MAP3K13: variants seen among roughly 807,000 people sequenced by gnomAD.
MAP3K13 encodes the protein leucine zipper-bearing kinase.
A neutral mutation model predicts 104.0 loss-of-function variants in MAP3K13; 52 were observed. The observed-to-expected ratio is 0.50, with a 90% CI of 0.40 to 0.63. The LOEUF (loss-of-function observed/expected upper bound fraction) is 0.63, where lower values mean the gene tolerates loss of function less well. Ranked by LOEUF, MAP3K13 falls within the 20% of genes least tolerant of loss-of-function variation. The pLI is 0.00. For missense variants in MAP3K13, 914 were observed against 1,218.5 expected (o/e 0.75, Z 3.72); for synonymous variants, 394 against 442.2 (o/e 0.89, Z 1.37).
chr3:185,302,248 C>CA (rs201314340), intron 2 of MAP3K13, among the ~76,000 whole-genome samples: 2,487 of 118,932 alleles, frequency 0.021, 47 homozygotes, highest in African/African-American at 0.06. Context: ...ACTAAAAATA[C>CA]AAAAAAAAAA....
chr3:185,471,189 T>C (rs1717753708), intron 10 of MAP3K13, among the ~76,000 whole-genome samples: 1 of 152,210 alleles, frequency 6.6e-6, no homozygotes, highest in Non-Finnish European at 1.5e-5. Flanking sequence ...GCTAATGTTT[T>C]GGCTAACTTT....
At chr3:185,318,342 C>A (rs1458351394) in intron 2 of MAP3K13, among the ~76,000 whole-genome samples, 5 of 152,152 alleles carry the variant, frequency 3.3e-5, no homozygotes, top group Admixed American at 2.6e-4. Context: ...TATAAACCTG[C>A]CTGACAGACA....
intron 2 of MAP3K13, among the ~76,000 whole-genome samples, chr3:185,330,084 G>T (rs1372086013): frequency 2.5e-5 from 2 of 80,842 alleles, no homozygotes; most frequent in African/African-American, 5.1e-5. Context: ...TTTTTTTTTA[G>T]TAGAGATGGG....
rs183916935 is a variant in MAP3K13 at position 185,377,701 on chromosome 3, G to A, written c.-86+14333G>A. ...AGGTAATGTGGAGTAGGTAGCCTCC[G>A]TATTGATTAAGAAGGGGATGGACTT... On this transcript the variant is annotated intron_variant, in intron 1 of 13. Coordinates refer to ENST00000265026, the MANE Select transcript of MAP3K13 (RefSeq NM_004721.5). 1.4e-4 allele frequency among the ~76,000 whole-genome samples: 22 copies of A among 152,320 alleles called. No individual in the cohort carries two copies. In the Middle Eastern group the frequency reaches 0.01, roughly 71 times the overall value.
Position 185,473,156 on chromosome 3 carries a change from C to T in MAP3K13, c.1825C>T (p.Gln609Ter). 1 of 1,614,168 alleles carries T rather than the reference C, an allele frequency of 6.2e-7. No homozygotes were observed. Among genetic ancestry groups the T allele is most frequent in the Non-Finnish European group, 8.5e-7 (1 of 1,180,048 alleles). Residue 609 changes from glutamine (Q) to a stop codon, truncating the protein, a stop_gained, in exon 11 of 14, where the codon CAG (glutamine) becomes TAG (stop). Transcript: ENST00000265026. LOFTEE classifies it high-confidence loss of function. This position sits in a 1 kb window ranked among gnomAD's most constrained non-coding sequence, Gnocchi z 4.9. ...TGACTTTGCCGCAATCTTGAAAAACCAGCCAGCCCAGGAAAATTCACCCCA... is the reference window on the plus strand; with the variant it reads ...TGACTTTGCCGCAATCTTGAAAAACTAGCCAGCCCAGGAAAATTCACCCCA... ...HSDFAAILKN[Q>*]PAQENSPHPT...
At chr3:185,345,240 TAC>T (rs756514087) in intron 2 of MAP3K13, among the ~76,000 whole-genome samples, 7 of 137,310 alleles carry the variant, frequency 5.1e-5, no homozygotes, top group East Asian at 2.1e-4. Flanking sequence ...CACACACACA[TAC>T]ACACACACAC....
At chr3:185,403,353 T>G (rs768387836) in intron 1 of MAP3K13, among the ~76,000 whole-genome samples, 1 of 152,236 alleles carries the variant, frequency 6.6e-6, no homozygotes, top group Non-Finnish European at 1.5e-5. Context: ...CACTAACATT[T>G]ATGAAAACTT....
At chr3:185,319,907 C>T (rs945833101) in intron 2 of MAP3K13, among the ~76,000 whole-genome samples, 2 of 152,008 alleles carry the variant, frequency 1.3e-5, no homozygotes, top group Admixed American at 6.5e-5. Flanking sequence ...CAACATGCCC[C>T]GTAGTTGTTA....
chr3:185,365,486 C>A (rs976679235), intron 1 of MAP3K13, among the ~76,000 whole-genome samples: 1 of 152,140 alleles, frequency 6.6e-6, no homozygotes, highest in African/African-American at 2.4e-5. Flanking sequence ...ATGGCAAAAC[C>A]GGTCAGTTTG....
chr3:185,459,721 A>T (rs1013480314), intron 7 of MAP3K13, among the ~76,000 whole-genome samples: 1 of 152,162 alleles, frequency 6.6e-6, no homozygotes, highest in African/African-American at 2.4e-5. Context: ...AAGTGCTGGG[A>T]TTATAGACAT....
At chr3:185,353,763 T>C (rs190352656) in intron 2 of MAP3K13, among the ~76,000 whole-genome samples, 2 of 152,242 alleles carry the variant, frequency 1.3e-5, no homozygotes, top group Non-Finnish European at 2.9e-5. Flanking sequence ...AAAGTACTAA[T>C]GTATGCCTTA....
At chr3:185,346,218 T>A (rs1330101722) in intron 2 of MAP3K13, among the ~76,000 whole-genome samples, 2 of 152,200 alleles carry the variant, frequency 1.3e-5, no homozygotes, top group African/African-American at 4.8e-5. Flanking sequence ...AAAATAGCAG[T>A]GAACTTTTCT....
chr3:185,359,063 A>G (rs567997872), upstream of MAP3K13, among the ~76,000 whole-genome samples: 1 of 152,348 alleles, frequency 6.6e-6, no homozygotes, highest in African/African-American at 2.4e-5. Flanking sequence ...CGCTGATGAT[A>G]AAAACGTACC....
chr3:185,428,795 G>T lies in MAP3K13; in HGVS notation c.214G>T (p.Val72Leu). The T allele has an allele frequency of 1.9e-6, 3 of 1,614,118 alleles. No homozygotes were observed. Among genetic ancestry groups the T allele is most frequent in the Non-Finnish European group, 2.5e-6 (3 of 1,180,016 alleles). The change falls in exon 2 of 14, where the codon GTA becomes TTA. Residue 72 changes from valine (V) to leucine (L), a missense_variant. Transcript: ENST00000265026. The part of the protein sequence containing the change: ...SPVTTTVLTS[V>L]SEDSRDQFEN... ...CGTCACCACAACAGTGTTGACGAGC[G>T]TAAGTGAGGATTCCAGGGACCAGTT...
intron 1 of MAP3K13, among the ~76,000 whole-genome samples, chr3:185,413,358 C>T (rs555784767): frequency 6.6e-5 from 10 of 152,238 alleles, no homozygotes; most frequent in Admixed American, 5.2e-4. Context: ...GTTCTTTTTC[C>T]CAGTCCTATA....
chr3:185,469,633 A>G (rs369084805), intron 10 of MAP3K13, among the ~76,000 whole-genome samples: 4 of 152,200 alleles, frequency 2.6e-5, no homozygotes, highest in Admixed American at 2.0e-4. Context: ...CTTTTCCTGT[A>G]AACGAAGAAA....
At chr3:185,455,749 GATATATATATGAGATATATATATGAT>G (rs1716649651) in intron 7 of MAP3K13, among the ~76,000 whole-genome samples, 1 of 19,552 alleles carries the variant, frequency 5.1e-5, no homozygotes, top group African/African-American at 1.0e-4. Context: ...ATATATATAT[GATATATATATGAGATATATATATGAT>G]ATATATATGA....
chr3:185,430,777 T>A (rs1714698813), intron 2 of MAP3K13, among the ~76,000 whole-genome samples: 1 of 152,228 alleles, frequency 6.6e-6, no homozygotes, highest in African/African-American at 2.4e-5. Context: ...TAACCATTAA[T>A]GTTTTCATTA....
At chr3:185,410,265 C>T (rs1423396532) in intron 1 of MAP3K13, among the ~76,000 whole-genome samples, 1 of 152,110 alleles carries the variant, frequency 6.6e-6, no homozygotes, top group Non-Finnish European at 1.5e-5. Flanking sequence ...AGTTAAACAC[C>T]ACATGTTCTC....
Sources: allele counts gnomAD v4.1 joint callset (sites outside exome capture counted in the v4.1 genomes callset), GRCh38; gene constraint gnomAD v4.1.1; non-coding constraint Gnocchi (gnomAD v3.1); transcripts MANE v1.5; gene names NCBI Gene and HGNC (gene_info 2026-07-23, HGNC 2026-07-21).